The following NTAQ1 variants were observed in gnomAD, a reference collection of about 807,000 sequenced individuals.
NTAQ1 encodes the protein N-terminal glutamine amidase 1.
Under a neutral mutation model 28.2 loss-of-function variants are expected in NTAQ1, and 21 were observed. That is an observed-to-expected ratio of 0.74 (90% CI 0.53 to 1.07). The LOEUF (loss-of-function observed/expected upper bound fraction) is 1.07. NTAQ1 is among the 50% of genes least tolerant of loss of function. The probability of loss-of-function intolerance (pLI) is 0.00; values close to 1 mark genes in which losing one functional copy is unlikely to be tolerated. For missense variants in NTAQ1, 264 were observed against 256.6 expected, an observed-to-expected ratio of 1.03 and a Z score of -0.20; for synonymous variants, 105 against 90.0, an observed-to-expected ratio of 1.17 and a Z score of -0.94.
downstream of NTAQ1, among the ~76,000 whole-genome samples, chr8:123,445,603 T>G (rs114634973): frequency 0.022 from 3,360 of 152,266 alleles, 113 homozygotes; most frequent in African/African-American, 0.074. Flanking sequence ...TTTTAAAAAT[T>G]TTTTAAGTTT....
chr8:123,421,074 C>T (rs535220391), intron 1 of NTAQ1, among the ~76,000 whole-genome samples: 13 of 102,310 alleles, frequency 1.3e-4, no homozygotes, highest in South Asian at 4.1e-4. Flanking sequence ...CATGAGCTGC[C>T]GTACCCGGCC....
chr8:123,424,005 C>G (rs1813883492), intron 1 of NTAQ1, among the ~76,000 whole-genome samples: 1 of 151,134 alleles, frequency 6.6e-6, no homozygotes, highest in African/African-American at 2.4e-5. Context: ...GCCTCAGCCT[C>G]CTGAGTAACT....
exon 7 of NTAQ1, among the ~76,000 whole-genome samples, chr8:123,468,978 C>T (rs1183834658): frequency 6.6e-6 from 1 of 152,068 alleles, no homozygotes; most frequent in Non-Finnish European, 1.5e-5. Flanking sequence ...ATTAGTAATG[C>T]GAACATCTTT....
chr8:123,449,439 C>T (rs189646455), downstream of NTAQ1, among the ~76,000 whole-genome samples: 5 of 152,092 alleles, frequency 3.3e-5, no homozygotes, highest in East Asian at 5.8e-4. Context: ...TGGAGGGCTG[C>T]GTGTGGTGGC....
At chr8:123,466,109 G>A (rs1586973652) in intron 6 of NTAQ1, among the ~76,000 whole-genome samples, 1 of 152,178 alleles carries the variant, frequency 6.6e-6, no homozygotes, top group South Asian at 2.1e-4. Context: ...GAGGGCAATA[G>A]CAGCTGGAAT....
rs1432099256 is a variant in NTAQ1, at chr8:123,431,985, G to A, written c.234+1952G>A. 2.6e-5 allele frequency among the ~76,000 whole-genome samples: 4 copies of A among 152,178 alleles called. No individual in the cohort carries two copies. The East Asian group carries it at 7.7e-4, about 29-fold the overall frequency. ...GAAACTTGGAGGGGAAGGACCTGTA[G>A]CCATGTCTCCCTTACACATCTCATG... On this transcript the variant is annotated intron_variant, in intron 3 of 5. Transcript: ENST00000287387.
At chr8:123,429,039 T>A (rs1374626611) in intron 2 of NTAQ1, among the ~76,000 whole-genome samples, 2 of 152,238 alleles carry the variant, frequency 1.3e-5, no homozygotes, top group Admixed American at 1.3e-4. Flanking sequence ...ACATGAAGAA[T>A]TAGAAAAAGT....
At chr8:123,435,105 G>T (rs1030866041) in intron 3 of NTAQ1, among the ~76,000 whole-genome samples, 1 of 152,168 alleles carries the variant, frequency 6.6e-6, no homozygotes, top group Non-Finnish European at 1.5e-5. Context: ...TACTAATGTT[G>T]CTAGGTTGCT....
Position 123,437,312 on chromosome 8 carries a change from A to G in NTAQ1, c.486A>G (p.Pro162=). The G allele has an allele frequency of 6.2e-7, 1 of 1,614,120 alleles. No individual in the cohort carries two copies. Among genetic ancestry groups the G allele is most frequent in the African/African-American group, 1.3e-5 (1 of 75,046 alleles). The change falls in exon 5 of 6, where the codon CCA becomes CCG. Residue 162 remains proline, a synonymous_variant. Coordinates refer to ENST00000287387, the MANE Select transcript of NTAQ1 (RefSeq NM_018024.3). ...GGAATTGGAGAGAGCCTCCGCCGCCATATCCCTGCATTGAGACTGGAGGTG... is the reference window on the plus strand; with the variant it reads ...GGAATTGGAGAGAGCCTCCGCCGCCGTATCCCTGCATTGAGACTGGAGGTG... ...SSGNWREPPP[P]YPCIETGDSK...
At chr8:123,439,360 T>TTTTA (rs1814909020) in intron 5 of NTAQ1, among the ~76,000 whole-genome samples, 1 of 133,062 alleles carries the variant, frequency 7.5e-6, no homozygotes, top group Non-Finnish European at 1.6e-5. Context: ...TTTTTTTTTT[T>TTTTA]GAGACGGAGT....
At chr8:123,454,149 A>C (rs1815582165) in intron 6 of NTAQ1, among the ~76,000 whole-genome samples, 1 of 152,126 alleles carries the variant, frequency 6.6e-6, no homozygotes, top group Admixed American at 6.5e-5. Context: ...TAAAAAGGCA[A>C]ATGTCCAGAA....
chr8:123,461,044 C>T (rs1418523946), intron 6 of NTAQ1, among the ~76,000 whole-genome samples: 2 of 152,150 alleles, frequency 1.3e-5, no homozygotes, highest in African/African-American at 4.8e-5. Flanking sequence ...TCCCTGCTTT[C>T]CATAGGCACC....
At chr8:123,457,962 A>C (rs1815696273) in intron 6 of NTAQ1, among the ~76,000 whole-genome samples, 1 of 142,942 alleles carries the variant, frequency 7.0e-6, no homozygotes, top group Non-Finnish European at 1.5e-5. Context: ...TGAACCCGGG[A>C]GGTGGAGGTT....
downstream of NTAQ1, among the ~76,000 whole-genome samples, chr8:123,451,878 T>A (rs146672920): frequency 2.5e-4 from 38 of 152,358 alleles, no homozygotes; most frequent in African/African-American, 8.9e-4. Context: ...CTTTGAATTA[T>A]TCCCGTTGAC....
At chr8:123,431,195 G>T (rs144408302) in intron 3 of NTAQ1, among the ~76,000 whole-genome samples, 3,825 of 151,764 alleles carry the variant, frequency 0.025, 145 homozygotes, top group African/African-American at 0.085. Flanking sequence ...AAATTAGCTG[G>T]GTGTGATGGC....
intron 1 of NTAQ1, among the ~76,000 whole-genome samples, chr8:123,417,156 T>C (rs897172131): frequency 2.0e-5 from 3 of 152,232 alleles, no homozygotes; most frequent in Non-Finnish European, 4.4e-5. Flanking sequence ...ATAGGGTCGA[T>C]AGTGCATTAC....
chr8:123,445,530 C>CAA (rs146840851), downstream of NTAQ1, among the ~76,000 whole-genome samples: 2 of 150,430 alleles, frequency 1.3e-5, no homozygotes, highest in Admixed American at 1.3e-4. Flanking sequence ...CTTGGTGTGC[C>CAA]AAAAAAAATG....
At chr8:123,438,187 C>G in intron 5 of NTAQ1, 1 of 702,026 alleles carries the variant, frequency 1.4e-6, no homozygotes, top group Non-Finnish European at 2.6e-6. Flanking sequence ...GGGTCCTTCA[C>G]CCTATTACTA....
downstream of NTAQ1, among the ~76,000 whole-genome samples, chr8:123,450,068 A>C (rs1815444901): frequency 6.8e-6 from 1 of 147,898 alleles, no homozygotes; most frequent in Non-Finnish European, 1.5e-5. Context: ...TTAAAGATAC[A>C]GGCCTCTATG....
Sources: allele counts gnomAD v4.1 joint callset (sites outside exome capture counted in the v4.1 genomes callset), GRCh38; gene constraint gnomAD v4.1.1; transcripts MANE v1.5; gene names NCBI Gene and HGNC (gene_info 2026-07-23, HGNC 2026-07-21).